The following PAMR1 variants were observed in gnomAD, a reference collection of about 807,000 sequenced individuals.
The protein encoded by PAMR1 is inactive serine protease PAMR1.
PAMR1 carries 88 observed loss-of-function variants against 81.8 expected under a neutral mutation model. That is an observed-to-expected ratio of 1.08 (90% CI 0.91 to 1.28). The LOEUF (loss-of-function observed/expected upper bound fraction) is 1.28. PAMR1 is among the 50% of genes most tolerant of loss of function. The pLI is 0.00. For missense variants in PAMR1, 935 were observed against 919.7 expected (o/e 1.02, Z -0.21); for synonymous variants, 336 against 345.3 (o/e 0.97, Z 0.30).
intron 3 of PAMR1, among the ~76,000 whole-genome samples, chr11:35,478,835 C>T (rs1034452405): frequency 6.7e-6 from 1 of 149,702 alleles, no homozygotes; most frequent in Non-Finnish European, 1.5e-5. Flanking sequence ...GGTGTGTGGG[C>T]GTGTGTGTGT....
intron 1 of PAMR1, among the ~76,000 whole-genome samples, chr11:35,507,509 A>G (rs1482923206): frequency 6.6e-6 from 1 of 152,068 alleles, no homozygotes; most frequent in Non-Finnish European, 1.5e-5. Context: ...TTTTCTGATA[A>G]ATTTCTGAAT....
rs1004950742 is a variant in PAMR1 at position 35,504,358 on chromosome 11, C to T, written c.74-10086G>A. Among the ~76,000 whole-genome samples the T allele has an allele frequency of 3.3e-5, 5 of 151,924 alleles. No homozygotes were observed. The East Asian group carries it at 5.8e-4, about 18-fold the overall frequency. ...ATCTTTTTTGCTGTTGTTCTATCCT[C>T]GTCTGGTTTTGATAATAGGGCAATG... is the stretch of plus-strand genomic sequence containing the variant. On this transcript the variant is annotated intron_variant, in intron 1 of 10. Coordinates refer to ENST00000619888, the MANE Select transcript of PAMR1 (RefSeq NM_001001991.3).
At chr11:35,487,367 C>T (rs1850530695) in intron 3 of PAMR1, among the ~76,000 whole-genome samples, 1 of 152,162 alleles carries the variant, frequency 6.6e-6, no homozygotes, top group Admixed American at 6.5e-5. Context: ...ACCTCCTGTC[C>T]CTATTGCCCC....
chr11:35,491,861 A>C (rs1423039790), intron 3 of PAMR1, among the ~76,000 whole-genome samples, 184 bp downstream of exon 3: 1 of 152,216 alleles, frequency 6.6e-6, no homozygotes, highest in Non-Finnish European at 1.5e-5. Context: ...GAATTCAAAC[A>C]AATGTTCACA....
intron 3 of PAMR1, among the ~76,000 whole-genome samples, chr11:35,477,460 A>G (rs1214531170): frequency 6.6e-6 from 1 of 152,208 alleles, no homozygotes; most frequent in African/African-American, 2.4e-5. Context: ...TCGTTATCCT[A>G]ATGGTAAAGC....
intron 1 of PAMR1, among the ~76,000 whole-genome samples, chr11:35,515,981 A>C (rs1270552851): frequency 6.6e-6 from 1 of 152,230 alleles, no homozygotes; most frequent in Non-Finnish European, 1.5e-5. Flanking sequence ...ATTCCTTGTG[A>C]AACTTGTGTT....
At position 35,495,227 on chromosome 11, in the gene PAMR1, C is replaced by CA. The variant is rs1304936223; in HGVS notation, c.74-956dup. Among the ~76,000 whole-genome samples, 4 of 151,568 alleles carry CA rather than the reference C, an allele frequency of 2.6e-5. No homozygotes were observed. The East Asian group carries it at 5.8e-4, about 22-fold the overall frequency. ...TCAAAGCGAAAACCAATAGAAAAGA[C>CA]AAAAAATACCTTAATTAGTATGTTT... is the stretch of plus-strand genomic sequence containing the variant. On this transcript the variant is annotated intron_variant, in intron 1 of 10. Transcript: ENST00000619888.
At chr11:35,513,868 G>GA (rs1181242470) in intron 1 of PAMR1, among the ~76,000 whole-genome samples, 1 of 152,176 alleles carries the variant, frequency 6.6e-6, no homozygotes, top group Non-Finnish European at 1.5e-5. Flanking sequence ...ATATTCCTTT[G>GA]AAAATCACAG....
At chr11:35,526,462 A>T (rs1219857320), upstream of PAMR1, among the ~76,000 whole-genome samples, 2 of 146,150 alleles carry the variant, frequency 1.4e-5, no homozygotes, top group Non-Finnish European at 3.1e-5. Flanking sequence ...GAAATGAGGA[A>T]GAAGGATGTT....
chr11:35,442,238 T>C (rs1426484615), intron 6 of PAMR1, among the ~76,000 whole-genome samples: 2 of 152,236 alleles, frequency 1.3e-5, no homozygotes, highest in East Asian at 3.8e-4. Flanking sequence ...TTAAAAATAC[T>C]ACAGAACAAT....
At chr11:35,500,412 C>A (rs911459888) in intron 1 of PAMR1, among the ~76,000 whole-genome samples, 3 of 151,980 alleles carry the variant, frequency 2.0e-5, no homozygotes, top group Non-Finnish European at 2.9e-5. Flanking sequence ...AGAGATGGGG[C>A]GCTGGAATAC....
chr11:35,462,291 C>A (rs895110591), intron 6 of PAMR1, among the ~76,000 whole-genome samples: 4 of 152,194 alleles, frequency 2.6e-5, no homozygotes, highest in Non-Finnish European at 5.9e-5. Flanking sequence ...CAAGGCTGTC[C>A]AGGTTACCAA....
chr11:35,481,280 C>T (rs771941570), intron 3 of PAMR1, among the ~76,000 whole-genome samples: 1 of 152,224 alleles, frequency 6.6e-6, no homozygotes, highest in Non-Finnish European at 1.5e-5. Context: ...GGAATCACCA[C>T]ACTGTCTTTC....
chr11:35,491,371 T>C (rs974604553), intron 3 of PAMR1, among the ~76,000 whole-genome samples: 3 of 152,222 alleles, frequency 2.0e-5, no homozygotes, highest in Admixed American at 1.3e-4. Flanking sequence ...TTCTAACTGC[T>C]TCTGATTCAA....
intron 1 of PAMR1, among the ~76,000 whole-genome samples, chr11:35,517,599 T>C (rs1851189199): frequency 6.6e-6 from 1 of 152,224 alleles, no homozygotes; most frequent in African/African-American, 2.4e-5. Context: ...TATAGCTTTC[T>C]TTACTGCAGG....
At position 35,494,251 on chromosome 11, in the gene PAMR1, G is replaced by T. The variant is rs779554679; in HGVS notation, c.95C>A (p.Ala32Asp). Residue 32 changes from alanine (A) to aspartate (D), a missense_variant, in exon 2 of 11, where the codon GCC becomes GAC. Ala to Asp is a moderately radical substitution (Grantham distance 126). Coordinates refer to ENST00000619888, the MANE Select transcript of PAMR1 (RefSeq NM_001001991.3). ...LPREYTVINEACPGAEWNIMC... is the reference protein window; with the variant it reads ...LPREYTVINEDCPGAEWNIMC... The stretch of plus-strand genomic sequence containing the variant: ...GATATTCCACTCTGCTCCAGGGCAG[G>T]CTTCATTAATGACTGTGTACTCTGA... 6.2e-7 allele frequency: 1 copy of T among 1,614,076 alleles called. No individual in the cohort carries two copies. The highest frequency in any genetic ancestry group is 1.1e-5 in the South Asian group (1 of 91,084).
Position 35,470,592 on chromosome 11 carries a change from G to A in PAMR1, c.712+9C>T. On this transcript the variant is annotated intron_variant, in intron 5 of 10. Coordinates refer to ENST00000619888, the MANE Select transcript of PAMR1 (RefSeq NM_001001991.3). The stretch of plus-strand genomic sequence containing the variant: ...CATAAAATGCCACATTTGTCTCCTT[G>A]GCCTTTACCTGTGATCTCCTCATAA... 1 of 1,607,614 alleles carries A rather than the reference G, an allele frequency of 6.2e-7. No individual in the cohort carries two copies. The highest frequency in any genetic ancestry group is 8.5e-7 in the Non-Finnish European group (1 of 1,174,136).
chr11:35,445,645 C>T (rs1035660144), intron 6 of PAMR1, among the ~76,000 whole-genome samples: 2 of 152,096 alleles, frequency 1.3e-5, no homozygotes, highest in African/African-American at 4.8e-5. Context: ...TATTGATTTG[C>T]AGATGTTGAA....
At chr11:35,502,110 G>A (rs659981) in intron 1 of PAMR1, among the ~76,000 whole-genome samples, 49,899 of 151,836 alleles carry the variant, frequency 0.33, 8,387 homozygotes, top group African/African-American at 0.41. Context: ...GATAAAAGCC[G>A]TTTTAACTGG....
Sources: allele counts gnomAD v4.1 joint callset (sites outside exome capture counted in the v4.1 genomes callset), GRCh38; gene constraint gnomAD v4.1.1; transcripts MANE v1.5; gene names NCBI Gene and HGNC (gene_info 2026-07-23, HGNC 2026-07-21).